ZC3H18: variants seen among roughly 807,000 people sequenced by gnomAD.
ZC3H18 encodes zinc finger CCCH domain-containing protein 18.
ZC3H18 carries 8 observed loss-of-function variants against 106.1 expected under a neutral mutation model. The ratio of observed to expected loss-of-function variants is 0.08; its 90% confidence interval spans 0.04 to 0.14. The LOEUF is 0.14. ZC3H18 is among the 10% of genes least tolerant of loss of function. The pLI, the probability that ZC3H18 is intolerant of heterozygous loss-of-function variation, is 1.00. For missense variants in ZC3H18, 1,318 were observed against 1,278.4 expected, an observed-to-expected ratio of 1.03 and a Z score of -0.47; for synonymous variants, 635 against 522.1, an observed-to-expected ratio of 1.22 and a Z score of -2.95.
At chr16:88,618,186 CTTT>C (rs538070999) in intron 8 of ZC3H18, among the ~76,000 whole-genome samples, 2 of 143,760 alleles carry the variant, frequency 1.4e-5, no homozygotes, top group African/African-American at 2.5e-5. Context: ...TTGGACTCCA[CTTT>C]TTTTTTTTTT....
rs117760886 is a variant in ZC3H18, at chr16:88,579,466, G to A, written c.603+1740G>A. ...AAGTCTTGGGGGAGATTCATCAGACGGATCAAGGGTCCCCATAGTGGTCCT... is the reference window on the plus strand; with the variant it reads ...AAGTCTTGGGGGAGATTCATCAGACAGATCAAGGGTCCCCATAGTGGTCCT... On this transcript the variant is annotated intron_variant, in intron 2 of 17. Transcript: ENST00000301011. Among the ~76,000 whole-genome samples the A allele has an allele frequency of 5.8e-3, 883 of 152,224 alleles. 4 individuals carry two copies. Among genetic ancestry groups the A allele is most frequent in the Non-Finnish European group, 7.7e-3 (521 of 67,998 alleles).
intron 1 of ZC3H18, among the ~76,000 whole-genome samples, chr16:88,574,969 A>C (rs1322718728): frequency 6.6e-6 from 1 of 151,324 alleles, no homozygotes; most frequent in Non-Finnish European, 1.5e-5. Context: ...AGCTGGGAAC[A>C]CAGGCACCCG....
At position 88,622,226 on chromosome 16, in the gene ZC3H18, C is replaced by T. The variant is rs1451634074; in HGVS notation, c.1505C>T (p.Ala502Val). Residue 502 changes from alanine (A) to valine (V), a missense_variant, in exon 9 of 18, where the codon GCT (alanine) becomes GTT (valine). This residue lies in a region of ZC3H18 where 848 missense variants were observed against 821.7 expected (regional missense o/e 1.03). Coordinates refer to ENST00000301011, the MANE Select transcript of ZC3H18 (RefSeq NM_144604.4). ...SRQAEPPKKE[A>V]ATTGPQVKRA... ...CAAGCTGAGCCACCAAAGAAGGAGG[C>T]TGCCACCACGGGGCCGCAGGTGAAG... 8 of 1,611,168 alleles carry T rather than the reference C, an allele frequency of 5.0e-6. No individual in the cohort carries two copies. Among genetic ancestry groups the T allele is most frequent in the Non-Finnish European group, 5.9e-6 (7 of 1,178,006 alleles).
At chr16:88,623,108 T>TGTGTGTAGCTGTGCGTCTGTGG in intron 9 of ZC3H18, 111 bp from the exon 10 acceptor site, 3 of 1,455,536 alleles carry the variant, frequency 2.1e-6, no homozygotes, top group South Asian at 2.6e-5. Context: ...GCTGTGCGCT[T>TGTGTGTAGCTGTGCGTCTGTGG]GTGTGTAGCT....
intron 6 of ZC3H18, among the ~76,000 whole-genome samples, chr16:88,606,327 T>A (rs1263476641): frequency 6.6e-6 from 1 of 152,250 alleles, no homozygotes; most frequent in East Asian, 1.9e-4. Flanking sequence ...GTTGACACGT[T>A]CTCTAGAACG....
intron 7 of ZC3H18, 45 bp downstream of exon 7, chr16:88,609,096 C>G: frequency 6.8e-7 from 1 of 1,468,928 alleles, no homozygotes. Flanking sequence ...ATGATCTGTT[C>G]ATTCAAGTTA....
intron 6 of ZC3H18, among the ~76,000 whole-genome samples, chr16:88,602,479 G>T (rs932342766): frequency 6.6e-6 from 1 of 152,224 alleles, no homozygotes; most frequent in Admixed American, 6.5e-5. Flanking sequence ...CCAGCAGCAT[G>T]TGAGAGGTCA....
At chr16:88,586,501 C>G in intron 2 of ZC3H18, 99 bp from the exon 3 acceptor site, 1 of 948,908 alleles carries the variant, frequency 1.1e-6, no homozygotes, top group South Asian at 1.3e-5. Context: ...GTGACAATAT[C>G]CAGGTTCCAC....
chr16:88,589,709 G>A lies in ZC3H18; in HGVS notation c.688+3025G>A, dbSNP rs796521956. On this transcript the variant is annotated intron_variant, in intron 3 of 17. Coordinates refer to ENST00000301011, the MANE Select transcript of ZC3H18 (RefSeq NM_144604.4). ...TTGTGACTCATGCCACAATGTGGAC[G>A]AGCCTTAAAGACGTGCTGAGTGACA... Among the ~76,000 whole-genome samples, 17 of 151,082 alleles carry A rather than the reference G, an allele frequency of 1.1e-4. No individual in the cohort carries two copies. In the South Asian group the frequency reaches 1.5e-3, roughly 13 times the overall value.
At chr16:88,612,591 T>G (rs1302959363) in intron 8 of ZC3H18, among the ~76,000 whole-genome samples, 1 of 145,062 alleles carries the variant, frequency 6.9e-6, no homozygotes, top group Non-Finnish European at 1.5e-5. Flanking sequence ...GCAGGAGGAT[T>G]ACAGGATCGC....
chr16:88,617,705 C>A (rs2142780375), intron 8 of ZC3H18, among the ~76,000 whole-genome samples: 1 of 152,354 alleles, frequency 6.6e-6, no homozygotes, highest in South Asian at 2.1e-4. Context: ...ACCCCTGAGA[C>A]TGGAAGCACT....
chr16:88,631,479 C>T lies in ZC3H18; in HGVS notation c.*180C>T, dbSNP rs541189156. On this transcript the variant is annotated 3_prime_UTR_variant, in exon 18 of 18. Coordinates refer to ENST00000301011, the MANE Select transcript of ZC3H18 (RefSeq NM_144604.4). ...TGACAACGACGCTGAATCCCAGCCTCCCTCCCCAGAGCAGAAGTCCCGCAG... is the reference window on the plus strand; with the variant it reads ...TGACAACGACGCTGAATCCCAGCCTTCCTCCCCAGAGCAGAAGTCCCGCAG... The T allele has an allele frequency of 4.9e-6, 4 of 820,286 alleles. No individual in the cohort carries two copies. Among genetic ancestry groups the T allele is most frequent in the Non-Finnish European group, 7.8e-6 (4 of 514,286 alleles). 50.8% of individuals were successfully genotyped at this position (820,286 alleles called of 1,614,324 possible). A position where few individuals can be genotyped will look rare whatever the true frequency, so the allele number is the denominator to read the frequency against.
chr16:88,624,510 G>A (rs573924419), intron 11 of ZC3H18, 92 bp from the exon 12 acceptor site: 73 of 1,590,336 alleles, frequency 4.6e-5, no homozygotes, highest in African/African-American at 2.3e-4. Context: ...ATGCAGTGTC[G>A]TTCCCCGAGC....
intron 11 of ZC3H18, 132 bp downstream of exon 11, chr16:88,624,194 G>T (rs527461082): frequency 6.3e-6 from 8 of 1,275,814 alleles, no homozygotes; most frequent in Middle Eastern, 2.5e-4. Context: ...CTGGCCCCAG[G>T]GGGTGACTGG....
intron 9 of ZC3H18, 143 bp from the exon 10 acceptor site, chr16:88,623,076 T>G: frequency 8.3e-7 from 1 of 1,205,736 alleles, no homozygotes; most frequent in Non-Finnish European, 1.1e-6. Flanking sequence ...TGCGCGCGTC[T>G]GCAGCTGTGC....
chr16:88,624,474 G>GAGC (rs3830228), intron 11 of ZC3H18, 128 bp from the exon 12 acceptor site: 371,521 of 1,429,058 alleles, frequency 0.26, 49,944 homozygotes, highest in East Asian at 0.36. Context: ...GTCCAGGCAC[G>GAGC]AGCGTGCTCA....
chr16:88,607,194 G>GTGCCTGGGTCTGCCTCTGGACC (rs1905053929), intron 6 of ZC3H18, among the ~76,000 whole-genome samples: 1 of 152,174 alleles, frequency 6.6e-6, no homozygotes. Context: ...CTCTCTGGGC[G>GTGCCTGGGTCTGCCTCTGGACC]TGCCTGGGTC....
chr16:88,611,560 A>G, intron 8 of ZC3H18, 24 bp downstream of exon 8: 2 of 1,546,752 alleles, frequency 1.3e-6, no homozygotes, highest in Non-Finnish European at 1.7e-6. Flanking sequence ...CCTGAAGCCC[A>G]GGGGTGTGGG....
rs368362230 is a variant in ZC3H18 at position 88,577,132 on chromosome 16, G to A, written c.9G>A (p.Val3=). The change falls in exon 2 of 18, where the codon GTG becomes GTA. Residue 3 remains valine, a synonymous_variant. Transcript: ENST00000301011. MD[V]AESPERDPHS... Reference sequence around the variant, plus strand: ...CAGAACCGTGGGTACCGATGGATGTGGCCGAGAGCCCTGAACGGGATCCTC... The same window carrying A: ...CAGAACCGTGGGTACCGATGGATGTAGCCGAGAGCCCTGAACGGGATCCTC... The A allele has an allele frequency of 6.5e-7, 1 of 1,544,746 alleles. No homozygotes were observed. Among genetic ancestry groups the A allele is most frequent in the East Asian group, 2.3e-5 (1 of 43,982 alleles).
Sources: gnomAD v4.1 joint callset for allele counts (sites outside exome capture counted in the v4.1 genomes callset) on GRCh38, gnomAD v4.1.1 for gene constraint, gnomAD v4.1.1 regional missense constraint, MANE v1.5 for transcripts, NCBI Gene and HGNC (gene_info 2026-07-23, HGNC 2026-07-21) for gene names.